STAMBPL1: variants seen among roughly 807,000 people sequenced by gnomAD.
STAMBPL1 encodes the protein AMSH-like protease.
A neutral mutation model predicts 52.9 loss-of-function variants in STAMBPL1; 44 were observed. That is an observed-to-expected ratio of 0.83 (90% CI 0.65 to 1.07). STAMBPL1 has a LOEUF of 1.07. Among genes scored for constraint, STAMBPL1 ranks in the 50% least tolerant of loss-of-function variants. The pLI, the probability that STAMBPL1 is intolerant of heterozygous loss-of-function variation, is 0.00. For missense variants in STAMBPL1, 511 were observed against 520.8 expected (o/e 0.98, Z 0.18); for synonymous variants, 164 against 177.3 (o/e 0.92, Z 0.60).
chr10:88,889,822 T>C (rs1844632595), intron 1 of STAMBPL1, among the ~76,000 whole-genome samples: 1 of 152,220 alleles, frequency 6.6e-6, no homozygotes, highest in Non-Finnish European at 1.5e-5. Context: ...GAAGTCCTTC[T>C]GGGCAAGGAT....
intron 3 of STAMBPL1, among the ~76,000 whole-genome samples, chr10:88,906,304 T>A (rs1845073916): frequency 6.6e-6 from 1 of 152,218 alleles, no homozygotes; most frequent in Non-Finnish European, 1.5e-5. Context: ...TAGACAGATA[T>A]TTGTTAGTGA....
Position 88,923,367 on chromosome 10 carries a change from T to A in STAMBPL1, c.*143T>A, listed in dbSNP as rs1530281. The A allele has an allele frequency of 2.9e-6, 4 of 1,384,360 alleles. No homozygotes were observed. The highest frequency in any genetic ancestry group is 3.7e-6 in the Non-Finnish European group (4 of 1,074,524). The allele number at this position is 1,384,360 out of a possible 1,614,324, so 85.8% of individuals were successfully genotyped here. A position where few individuals can be genotyped will look rare whatever the true frequency, so the allele number is the denominator to read the frequency against. On this transcript the variant is annotated 3_prime_UTR_variant, in exon 11 of 11. Transcript: ENST00000371926. ...GACAAAGCTTGATATTTATTGCTGT[T>A]GCACATTTTAAAGTTTTCTTTTTGG...
intron 1 of STAMBPL1, among the ~76,000 whole-genome samples, chr10:88,881,790 G>A (rs1243506600): frequency 6.6e-6 from 1 of 152,148 alleles, no homozygotes; most frequent in East Asian, 1.9e-4. Context: ...GTGTTTTCAG[G>A]ATGGATGCTA....
At chr10:88,900,723 T>G (rs1844924002) in intron 1 of STAMBPL1, among the ~76,000 whole-genome samples, 1 of 152,224 alleles carries the variant, frequency 6.6e-6, no homozygotes, top group South Asian at 2.1e-4. Context: ...CTTTACAAAT[T>G]TTTATGAAAT....
chr10:88,888,200 T>C (rs2133123636), intron 1 of STAMBPL1, among the ~76,000 whole-genome samples: 2 of 152,186 alleles, frequency 1.3e-5, no homozygotes, highest in Middle Eastern at 6.8e-3. Flanking sequence ...AGAGAAGACA[T>C]TAGTGAGTAG....
At chr10:88,904,368 G>T (rs1010972534) in intron 2 of STAMBPL1, among the ~76,000 whole-genome samples, 2 of 152,198 alleles carry the variant, frequency 1.3e-5, no homozygotes, top group African/African-American at 4.8e-5. Context: ...ATTTGCATTT[G>T]TAAGAAACTC....
chr10:88,919,807 A>C (rs1845461989), intron 8 of STAMBPL1, among the ~76,000 whole-genome samples: 1 of 148,464 alleles, frequency 6.7e-6, no homozygotes, highest in Non-Finnish European at 1.5e-5. Context: ...TTTTACCTTC[A>C]TTCTATTAAA....
intron 1 of STAMBPL1, among the ~76,000 whole-genome samples, chr10:88,896,433 G>T (rs1844811815): frequency 6.6e-6 from 1 of 152,170 alleles, no homozygotes. Flanking sequence ...ATCTAAATCA[G>T]ATTAGGTCAT....
intron 1 of STAMBPL1, among the ~76,000 whole-genome samples, chr10:88,884,312 A>T (rs536857411): frequency 9.8e-5 from 15 of 152,314 alleles, no homozygotes; most frequent in African/African-American, 2.6e-4. Flanking sequence ...ACTTGAACAG[A>T]AGTGAAAAGC....
rs187586623 is a variant in STAMBPL1 at position 88,891,933 on chromosome 10, G to A, written c.-53-9723G>A. The stretch of plus-strand genomic sequence containing the variant: ...GATCCATTTAGCCTTGGATTGTATT[G>A]AATGAAAAATAACAGTTGGGTATCC... On this transcript the variant is annotated intron_variant, in intron 1 of 10. Coordinates refer to ENST00000371926, the MANE Select transcript of STAMBPL1 (RefSeq NM_020799.4). 5.3e-5 allele frequency among the ~76,000 whole-genome samples: 8 copies of A among 152,020 alleles called. No homozygotes were observed. The East Asian group carries it at 1.5e-3, about 29-fold the overall frequency.
rs370142377 is a variant in STAMBPL1 at position 88,903,282 on chromosome 10, T to C, written c.30+1544T>C. ...GTCCATTCAGAAGAGGAAAAATCAA[T>C]CTAATTTTCATTTTCAGGGAAAAAA... is the stretch of plus-strand genomic sequence containing the variant. On this transcript the variant is annotated intron_variant, in intron 2 of 10. Transcript: ENST00000371926. Among the ~76,000 whole-genome samples, 76 of 151,740 alleles carry C rather than the reference T, an allele frequency of 5.0e-4. No homozygotes were observed. In the South Asian group the frequency reaches 0.016, roughly 31 times the overall value.
intron 1 of STAMBPL1, among the ~76,000 whole-genome samples, chr10:88,887,813 C>T (rs1844575899): frequency 6.6e-6 from 1 of 152,200 alleles, no homozygotes; most frequent in South Asian, 2.1e-4. Flanking sequence ...TGAGCCACTG[C>T]ACCCAACAGC....
chr10:88,882,750 T>G (rs934633928), intron 1 of STAMBPL1: 9 of 152,204 alleles, frequency 5.9e-5, no homozygotes, highest in African/African-American at 2.2e-4. Flanking sequence ...CTACAGGAAA[T>G]GACTCATGGT....
At chr10:88,880,839 A>G (rs1391684438) in intron 1 of STAMBPL1, among the ~76,000 whole-genome samples, 3 of 152,084 alleles carry the variant, frequency 2.0e-5, no homozygotes, top group African/African-American at 7.2e-5. Flanking sequence ...GGCCGCCTCC[A>G]TCGGCGCCGC....
At chr10:88,916,361 A>G (rs1339364397) in intron 7 of STAMBPL1, among the ~76,000 whole-genome samples, 1 of 151,712 alleles carries the variant, frequency 6.6e-6, no homozygotes, top group East Asian at 2.0e-4. Flanking sequence ...GACATCATTT[A>G]TTAACTAAAC....
chr10:88,895,513 A>G (rs1476178114), intron 1 of STAMBPL1, among the ~76,000 whole-genome samples: 1 of 152,238 alleles, frequency 6.6e-6, no homozygotes, highest in Admixed American at 6.5e-5. Flanking sequence ...AACTTTTAGC[A>G]GAGGTCATTA....
At chr10:88,883,541 T>C (rs1844457963) in intron 1 of STAMBPL1, among the ~76,000 whole-genome samples, 1 of 152,218 alleles carries the variant, frequency 6.6e-6, no homozygotes, top group Admixed American at 6.5e-5. Context: ...GTGGCTTTTG[T>C]CAGAAATTAT....
In STAMBPL1 at chr10:88,913,085, C is replaced by T; in HGVS notation, c.421-16C>T. On this transcript the variant is annotated splice_polypyrimidine_tract_variant and intron_variant, in intron 5 of 10. Coordinates refer to ENST00000371926, the MANE Select transcript of STAMBPL1 (RefSeq NM_020799.4). ...CTTGGAAACTAACCTTCTCTTCTGG[C>T]TGCCACACTTTTTAGAACAAATATA... is the stretch of plus-strand genomic sequence containing the variant. The T allele has an allele frequency of 6.4e-7, 1 of 1,554,044 alleles. No homozygotes were observed. The highest frequency in any genetic ancestry group is 1.2e-5 in the South Asian group (1 of 80,474).
chr10:88,899,632 C>CTCCTGCCCAG (rs1165039225), intron 1 of STAMBPL1, among the ~76,000 whole-genome samples: 1 of 152,180 alleles, frequency 6.6e-6, no homozygotes, highest in Non-Finnish European at 1.5e-5. Flanking sequence ...GCCTCAGCCT[C>CTCCTGCCCAG]CCTAGTAGCT....
Sources: gnomAD v4.1 joint callset for allele counts (sites outside exome capture counted in the v4.1 genomes callset) on GRCh38, gnomAD v4.1.1 for gene constraint, MANE v1.5 for transcripts, NCBI Gene and HGNC (gene_info 2026-07-23, HGNC 2026-07-21) for gene names.